PAX7: variants seen among roughly 807,000 people sequenced by gnomAD.
The protein encoded by PAX7 is paired box protein Pax-7.
In PAX7, 18 loss-of-function variants were observed where a neutral mutation model predicts 50.7. The observed-to-expected ratio is 0.36, with a 90% confidence interval of 0.25 to 0.53. The LOEUF (loss-of-function observed/expected upper bound fraction) is 0.53. Among genes scored for constraint, PAX7 ranks in the 20% least tolerant of loss-of-function variants. The pLI is 0.93. For missense variants in PAX7, 644 were observed against 702.9 expected (o/e 0.92, Z 0.95); for synonymous variants, 310 against 290.4 (o/e 1.07, Z -0.69).
chr1:18,647,998 C>T (rs1486749214), intron 4 of PAX7, among the ~76,000 whole-genome samples: 1 of 152,180 alleles, frequency 6.6e-6, no homozygotes, highest in Non-Finnish European at 1.5e-5. Flanking sequence ...TTCCTGGAGC[C>T]CAGTAGACAC....
At chr1:18,669,107 A>G (rs1176781617) in intron 4 of PAX7, among the ~76,000 whole-genome samples, 1 of 152,204 alleles carries the variant, frequency 6.6e-6, no homozygotes, top group African/African-American at 2.4e-5. Flanking sequence ...TCGGGGGCCA[A>G]GGGACAGGGG....
chr1:18,734,733 C>T (rs2089690152), intron 7 of PAX7, among the ~76,000 whole-genome samples: 1 of 152,188 alleles, frequency 6.6e-6, no homozygotes, highest in South Asian at 2.1e-4. Context: ...CCGACCCAGA[C>T]CCTTCCTCCT....
rs1418400129 is a variant in PAX7, at chr1:18,741,481, A to AAGAT, written c.1403-3332_1403-3331insGATA. Among the ~76,000 whole-genome samples the AAGAT allele has an allele frequency of 3.4e-5, 5 of 147,402 alleles. No individual in the cohort carries two copies. In the South Asian group the frequency reaches 8.7e-4, roughly 26 times the overall value. Reference sequence around the variant, plus strand: ...AAAAAAAAAAAGAAAGAAAGAAAGAAAAGATAAGATAAATCCTGAAGGTGA... The same window carrying AAGAT: ...AAAAAAAAAAAGAAAGAAAGAAAGAAAGATAAGATAAGATAAATCCTGAAGGTGA... On this transcript the variant is annotated intron_variant, in intron 8 of 8. Coordinates refer to ENST00000420770, the MANE Select transcript of PAX7 (RefSeq NM_001135254.2).
chr1:18,655,709 T>A (rs910556999), intron 4 of PAX7, among the ~76,000 whole-genome samples: 4 of 151,954 alleles, frequency 2.6e-5, no homozygotes, highest in African/African-American at 9.7e-5. Flanking sequence ...CTCATTAAAC[T>A]TGTCAACACT....
At chr1:18,728,625 C>T (rs1557555987) in intron 7 of PAX7, among the ~76,000 whole-genome samples, 1 of 151,514 alleles carries the variant, frequency 6.6e-6, no homozygotes, top group Non-Finnish European at 1.5e-5. Context: ...CTTTGGGAGG[C>T]CAAGGCAGCC....
At chr1:18,717,372 T>A (rs745601056) in intron 7 of PAX7, among the ~76,000 whole-genome samples, 3 of 152,038 alleles carry the variant, frequency 2.0e-5, no homozygotes, top group Non-Finnish European at 2.9e-5. Context: ...AGAGAGAGGC[T>A]CCCTCGGGAG....
chr1:18,682,026 C>T (rs2088908874), intron 4 of PAX7, among the ~76,000 whole-genome samples: 1 of 152,154 alleles, frequency 6.6e-6, no homozygotes, highest in Non-Finnish European at 1.5e-5. Flanking sequence ...GTGTGGGCCA[C>T]TATGTCCGGC....
chr1:18,698,100 TGCTA>T (rs2089171875), intron 5 of PAX7, among the ~76,000 whole-genome samples: 1 of 152,172 alleles, frequency 6.6e-6, no homozygotes, highest in Non-Finnish European at 1.5e-5. Context: ...AAGGACCTGC[TGCTA>T]CATGACAAAC....
Position 18,636,163 on chromosome 1 carries a change from C to T in PAX7, c.452-74C>T. 6.5e-7 allele frequency: 1 copy of T among 1,528,164 alleles called. No homozygotes were observed. The allele number at this position is 1,528,164 out of a possible 1,614,324, so 94.7% of individuals were successfully genotyped here. ...AAGCAGGGGGCTTCCTGACTTTCTC[C>T]CAGGGGCCCAGGCCACCGCTCGCTC... is the stretch of plus-strand genomic sequence containing the variant. On this transcript the variant is annotated intron_variant, in intron 3 of 8. Transcript: ENST00000420770. The surrounding 1 kb of genome is among the most constrained non-coding windows in gnomAD (Gnocchi z 5.1).
intron 5 of PAX7, among the ~76,000 whole-genome samples, 157 bp downstream of exon 5, chr1:18,692,110 G>C (rs2089080470): frequency 6.6e-6 from 1 of 152,140 alleles, no homozygotes; most frequent in Admixed American, 6.5e-5. Context: ...ATTTGATGCA[G>C]AGTTAGTTGG....
intron 4 of PAX7, among the ~76,000 whole-genome samples, chr1:18,662,870 G>C (rs559393577): frequency 6.6e-6 from 1 of 151,720 alleles, no homozygotes; most frequent in African/African-American, 2.4e-5. Context: ...ACCACACCCA[G>C]CCTGTAAGTT....
intron 4 of PAX7, among the ~76,000 whole-genome samples, chr1:18,686,777 C>A (rs370596950): frequency 6.6e-6 from 1 of 152,116 alleles, no homozygotes; most frequent in Admixed American, 6.6e-5. Context: ...CTCCCCGCCC[C>A]GTTTCCTTTT....
intron 4 of PAX7, among the ~76,000 whole-genome samples, chr1:18,677,533 C>T (rs1394123569): frequency 6.6e-6 from 1 of 152,174 alleles, no homozygotes; most frequent in African/African-American, 2.4e-5. Context: ...CTTCTCTGTA[C>T]ACCTTGTTAG....
At chr1:18,738,644 C>G (rs1430483201) in intron 8 of PAX7, among the ~76,000 whole-genome samples, 1 of 151,958 alleles carries the variant, frequency 6.6e-6, no homozygotes, top group Non-Finnish European at 1.5e-5. Flanking sequence ...CTGGCTTCTC[C>G]AGGAATAGCT....
intron 4 of PAX7, among the ~76,000 whole-genome samples, chr1:18,655,560 G>A (rs145746256): frequency 5.3e-5 from 8 of 152,218 alleles, no homozygotes; most frequent in Non-Finnish European, 8.8e-5. Flanking sequence ...CCATTGAGGG[G>A]AGCCGGGGCC....
intron 4 of PAX7, among the ~76,000 whole-genome samples, chr1:18,660,177 C>T (rs1178408796): frequency 1.3e-5 from 2 of 152,088 alleles, no homozygotes; most frequent in Non-Finnish European, 2.9e-5. Flanking sequence ...CCATTTGGAG[C>T]TTGGCTCTTT....
intron 4 of PAX7, among the ~76,000 whole-genome samples, chr1:18,654,912 T>C (rs764661638): frequency 3.3e-5 from 5 of 152,218 alleles, no homozygotes; most frequent in Non-Finnish European, 5.9e-5. Flanking sequence ...TCTCAGGCTT[T>C]GGGCCTGGGG....
In PAX7 at chr1:18,688,666, C is replaced by T. The variant is rs150862426; in HGVS notation, c.587-3088C>T. On this transcript the variant is annotated intron_variant, in intron 4 of 8. Transcript: ENST00000420770. ...CTGTAATCCCAGCAATTTGGGAGGC[C>T]GAAGCAGGCGGATCACCTGAGGTCA... Among the ~76,000 whole-genome samples the T allele has an allele frequency of 5.9e-3, 898 of 152,160 alleles. 8 individuals are homozygous for T. Among genetic ancestry groups the T allele is most frequent in the African/African-American group, 0.02 (839 of 41,512 alleles).
rs556271648 is a variant in PAX7 at position 18,748,352 on chromosome 1, T to C, written c.*3423T>C. ...TCTGGGACCTCTCTCAGGCTGATGT[T>C]CTTCTCATCAAGCTCCCGAATGTGT... is the stretch of plus-strand genomic sequence containing the variant. On this transcript the variant is annotated 3_prime_UTR_variant, in exon 9 of 9. Transcript: ENST00000420770. The C allele has an allele frequency of 1.7e-5, 4 of 229,598 alleles. No homozygotes were observed. Among genetic ancestry groups the C allele is most frequent in the Admixed American group, 5.7e-5 (1 of 17,664 alleles). 14.2% of individuals were successfully genotyped at this position (229,598 alleles called of 1,614,324 possible).
Sources: gnomAD v4.1 joint callset for allele counts (sites outside exome capture counted in the v4.1 genomes callset) on GRCh38, gnomAD v4.1.1 for gene constraint, Gnocchi (gnomAD v3.1) non-coding constraint, MANE v1.5 for transcripts, NCBI Gene and HGNC (gene_info 2026-07-23, HGNC 2026-07-21) for gene names.